Variants in PIP5K1C observed in about 807,000 individuals in gnomAD.
The protein encoded by PIP5K1C is phosphatidylinositol-4-phosphate 5-kinase type 1 gamma.
PIP5K1C carries 45 observed loss-of-function variants against 80.1 expected under a neutral mutation model. That is an observed-to-expected ratio of 0.56 (90% CI 0.44 to 0.72). The LOEUF is 0.72. Among genes scored for constraint, PIP5K1C ranks in the 30% least tolerant of loss-of-function variants. The probability of loss-of-function intolerance (pLI) is 0.00; values close to 1 mark genes in which losing one functional copy is unlikely to be tolerated. For missense variants in PIP5K1C, 753 were observed against 954.6 expected (o/e 0.79, Z 2.78); for synonymous variants, 498 against 420.1 (o/e 1.19, Z -2.27).
Position 3,699,037 on chromosome 19 carries a change from G to C in PIP5K1C, c.94+1260C>G, listed in dbSNP as rs919286745. Reference sequence around the variant, plus strand: ...CCGGTGCTCCCAGAGCCCCTGATAAGATGAATGGTCGCGGTGTGGTTTTCT... The same window carrying C: ...CCGGTGCTCCCAGAGCCCCTGATAACATGAATGGTCGCGGTGTGGTTTTCT... On this transcript the variant is annotated intron_variant, in intron 1 of 17. Coordinates refer to ENST00000335312, the MANE Select transcript of PIP5K1C (RefSeq NM_012398.3). Among the ~76,000 whole-genome samples, 17 of 150,994 alleles carry C rather than the reference G, an allele frequency of 1.1e-4. 1 individual carries two copies. The highest frequency in any genetic ancestry group is 4.1e-4 in the African/African-American group (17 of 41,130).
In PIP5K1C at chr19:3,692,509, A is replaced by G. The variant is rs906722202; in HGVS notation, c.94+7788T>C. Reference sequence around the variant, plus strand: ...CAATCCCCCCTCAGCCCCACACTCAACCTTCAAAAGGTCCTGCTGGCTCTG... The same window carrying G: ...CAATCCCCCCTCAGCCCCACACTCAGCCTTCAAAAGGTCCTGCTGGCTCTG... On this transcript the variant is annotated intron_variant, in intron 1 of 17. Transcript: ENST00000335312. The surrounding 1 kb of genome is among the most constrained non-coding windows in gnomAD (Gnocchi z 5.2). Among the ~76,000 whole-genome samples the G allele has an allele frequency of 6.6e-6, 1 of 151,884 alleles. No individual in the cohort carries two copies. The highest frequency in any genetic ancestry group is 2.4e-5 in the African/African-American group (1 of 41,352).
chr19:3,671,963 C>T lies in PIP5K1C; in HGVS notation c.95-4610G>A, dbSNP rs1000229481. ...GGGGGAGGAAAGGCGAGCCGCGCTGCGGAGCCGGGAGGTGGCCCCTCTGAG... is the reference window on the plus strand; with the variant it reads ...GGGGGAGGAAAGGCGAGCCGCGCTGTGGAGCCGGGAGGTGGCCCCTCTGAG... On this transcript the variant is annotated intron_variant, in intron 1 of 17. Transcript: ENST00000335312. Among the ~76,000 whole-genome samples the T allele has an allele frequency of 2.0e-5, 3 of 152,216 alleles. No homozygotes were observed. The South Asian group carries it at 6.2e-4, about 32-fold the overall frequency.
intron 1 of PIP5K1C, among the ~76,000 whole-genome samples, chr19:3,682,588 C>T (rs1471728169): frequency 6.6e-6 from 1 of 152,064 alleles, no homozygotes; most frequent in Non-Finnish European, 1.5e-5. Context: ...ACTCGGGAGG[C>T]TGCGGTGGGA....
chr19:3,635,809 C>G (rs187586914), intron 16 of PIP5K1C, among the ~76,000 whole-genome samples: 207 of 152,268 alleles, frequency 1.4e-3, no homozygotes, highest in African/African-American at 4.4e-3. Context: ...GAAACCTCGT[C>G]TCTACTAAAA....
intron 3 of PIP5K1C, 83 bp downstream of exon 3, chr19:3,664,739 G>A: frequency 8.7e-7 from 1 of 1,155,222 alleles, no homozygotes; most frequent in Non-Finnish European, 1.3e-6. Context: ...GGGGGCGATA[G>A]GCCCCATCCA....
intron 1 of PIP5K1C, among the ~76,000 whole-genome samples, chr19:3,678,725 G>A (rs570550463): frequency 4.5e-5 from 6 of 134,218 alleles, no homozygotes; most frequent in Non-Finnish European, 6.4e-5. Flanking sequence ...GAGGGATGGC[G>A]GGATGGCAGG....
intron 1 of PIP5K1C, among the ~76,000 whole-genome samples, chr19:3,693,879 G>T (rs945945429): frequency 1.3e-5 from 2 of 152,090 alleles, no homozygotes; most frequent in African/African-American, 4.8e-5. Context: ...TCGCACCCTG[G>T]ACAACATAGT....
intron 2 of PIP5K1C, among the ~76,000 whole-genome samples, chr19:3,665,616 C>T (rs946809931): frequency 6.6e-5 from 10 of 152,074 alleles, no homozygotes; most frequent in African/African-American, 2.4e-4. Context: ...AACTGTGAGA[C>T]CGCTGGGATG....
intron 16 of PIP5K1C, among the ~76,000 whole-genome samples, chr19:3,634,556 C>A (rs1402397893): frequency 6.6e-6 from 1 of 152,216 alleles, no homozygotes; most frequent in Non-Finnish European, 1.5e-5. Context: ...GCCACAGTCA[C>A]AACCCAGTCC....
At chr19:3,642,985 C>G in intron 13 of PIP5K1C, 46 bp from the exon 14 acceptor site, 2 of 1,608,522 alleles carry the variant, frequency 1.2e-6, no homozygotes, top group African/African-American at 1.3e-5. Flanking sequence ...GAGAGTGGCC[C>G]GCCTGCTCAG....
At chr19:3,663,516 C>G (rs112586100) in intron 3 of PIP5K1C, among the ~76,000 whole-genome samples, 12 of 152,288 alleles carry the variant, frequency 7.9e-5, no homozygotes, top group African/African-American at 2.9e-4. Flanking sequence ...CACTGGGCAC[C>G]AAGGGAAAGC....
intron 1 of PIP5K1C, among the ~76,000 whole-genome samples, chr19:3,687,618 C>G (rs2035804198): frequency 1.3e-5 from 2 of 151,860 alleles, no homozygotes; most frequent in African/African-American, 4.8e-5. Flanking sequence ...CACACACACG[C>G]ACAGGCCCTC....
chr19:3,677,008 G>A (rs1001207563), intron 1 of PIP5K1C, among the ~76,000 whole-genome samples: 14 of 151,888 alleles, frequency 9.2e-5, no homozygotes, highest in East Asian at 1.9e-4. Flanking sequence ...AGGCTGAGGC[G>A]GGAGGATCAC....
At chr19:3,690,824 T>C (rs576261374) in intron 1 of PIP5K1C, among the ~76,000 whole-genome samples, 1 of 152,002 alleles carries the variant, frequency 6.6e-6, no homozygotes, top group Admixed American at 6.6e-5. Flanking sequence ...TCCCAGAAAA[T>C]GAGGTCAGAG....
intron 5 of PIP5K1C, among the ~76,000 whole-genome samples, chr19:3,657,945 A>G (rs1156647221): frequency 6.6e-6 from 1 of 152,146 alleles, no homozygotes; most frequent in African/African-American, 2.4e-5. Flanking sequence ...AAAACACCCC[A>G]ACAAGTGAGG....
intron 1 of PIP5K1C, among the ~76,000 whole-genome samples, chr19:3,674,828 G>A (rs1021982005): frequency 6.6e-6 from 1 of 152,222 alleles, no homozygotes; most frequent in Non-Finnish European, 1.5e-5. Flanking sequence ...GGAACAGGAG[G>A]AGTTACAGTT....
intron 1 of PIP5K1C, 26 bp from the exon 2 acceptor site, chr19:3,667,379 A>C (rs1389517769): frequency 6.2e-7 from 1 of 1,612,644 alleles, no homozygotes; most frequent in Non-Finnish European, 8.5e-7. Context: ...GCTGGGTATC[A>C]GACAGGAAAC....
chr19:3,664,989 G>T, intron 2 of PIP5K1C, 75 bp from the exon 3 acceptor site: 1 of 1,239,718 alleles, frequency 8.1e-7, no homozygotes, highest in Non-Finnish European at 1.2e-6. Flanking sequence ...CTGAAACCCT[G>T]GGAAGAAAGG....
At chr19:3,658,831 C>T (rs1178233936) in intron 5 of PIP5K1C, among the ~76,000 whole-genome samples, 7 of 152,348 alleles carry the variant, frequency 4.6e-5, no homozygotes, top group Middle Eastern at 3.4e-3. Context: ...AGGGCTATGG[C>T]CTCCATGGGC....
Sources: allele counts gnomAD v4.1 joint callset (sites outside exome capture counted in the v4.1 genomes callset), GRCh38; gene constraint gnomAD v4.1.1; non-coding constraint Gnocchi (gnomAD v3.1); transcripts MANE v1.5; gene names NCBI Gene and HGNC (gene_info 2026-07-23, HGNC 2026-07-21).